UTRN: variants seen among roughly 807,000 people sequenced by gnomAD.
UTRN encodes the protein utrophin.
In UTRN, 283 loss-of-function variants were observed where a neutral mutation model predicts 463.9. That is an observed-to-expected ratio of 0.61 (90% confidence interval 0.55 to 0.67). The LOEUF (loss-of-function observed/expected upper bound fraction) is 0.67, where lower values mean the gene tolerates loss of function less well. Ranked by LOEUF, UTRN falls within the 30% of genes least tolerant of loss-of-function variation. The pLI is 0.00. For synonymous variants in UTRN, 1,442 were observed against 1,431.5 expected (o/e 1.01, Z -0.17); for missense variants, 3,922 against 4,084.3 (o/e 0.96, Z 1.08).
intron 66 of UTRN, among the ~76,000 whole-genome samples, chr6:144,824,601 TA>T (rs1562954962): frequency 0.012 from 737 of 59,224 alleles, 34 homozygotes; most frequent in African/African-American, 0.041. Context: ...TATATATATA[TA>T]TATATATATA....
intron 46 of UTRN, among the ~76,000 whole-genome samples, 191 bp downstream of exon 46, chr6:144,543,061 G>A (rs1373766279): frequency 6.6e-6 from 1 of 152,208 alleles, no homozygotes; most frequent in Non-Finnish European, 1.5e-5. Flanking sequence ...GTGTGGGTAA[G>A]GCATTTGTTC....
At chr6:144,295,248 A>G (rs1804575580) in intron 2 of UTRN, among the ~76,000 whole-genome samples, 1 of 152,264 alleles carries the variant, frequency 6.6e-6, no homozygotes, top group Non-Finnish European at 1.5e-5. Flanking sequence ...ATGCATATAC[A>G]ATCGAAGAAT....
intron 51 of UTRN, among the ~76,000 whole-genome samples, chr6:144,670,151 G>T (rs982262264): frequency 1.3e-5 from 2 of 152,082 alleles, no homozygotes; most frequent in East Asian, 3.9e-4. Context: ...ACCCAAGTAT[G>T]GAATTGATGG....
At chr6:144,688,356 T>C (rs1477499990) in intron 52 of UTRN, among the ~76,000 whole-genome samples, 1 of 152,196 alleles carries the variant, frequency 6.6e-6, no homozygotes, top group East Asian at 1.9e-4. Flanking sequence ...TTTTGTATTC[T>C]TTATCTGGTA....
chr6:144,377,062 G>C (rs1364673800), intron 2 of UTRN, among the ~76,000 whole-genome samples: 1 of 152,130 alleles, frequency 6.6e-6, no homozygotes, highest in Non-Finnish European at 1.5e-5. Flanking sequence ...TTTTGGGACA[G>C]AGTCTTGCTC....
At chr6:144,591,871 T>C (rs1205422783) in intron 51 of UTRN, among the ~76,000 whole-genome samples, 1 of 152,164 alleles carries the variant, frequency 6.6e-6, no homozygotes, top group Non-Finnish European at 1.5e-5. Context: ...GGGTAAATGT[T>C]GCAAGAGTTA....
chr6:144,372,766 G>A (rs1307698360), intron 2 of UTRN, among the ~76,000 whole-genome samples: 2 of 152,134 alleles, frequency 1.3e-5, no homozygotes, highest in African/African-American at 4.8e-5. Flanking sequence ...GCCTCTTAAA[G>A]TGCTGAGATT....
rs1419572863 is a variant in UTRN, at chr6:144,299,703, C to T, written c.79+7796C>T. 4.0e-5 allele frequency among the ~76,000 whole-genome samples: 6 copies of T among 151,818 alleles called. No homozygotes were observed. The East Asian group carries it at 7.7e-4, about 20-fold the overall frequency. On this transcript the variant is annotated intron_variant, in intron 2 of 74. Transcript: ENST00000367545. ...CTAGGGAATGCATCAGCTTAGAGTC[C>T]GCTGATGCATTCATTATAAAAATGT...
At chr6:144,816,748 T>A (rs1003665138) in intron 65 of UTRN, among the ~76,000 whole-genome samples, 11 of 146,442 alleles carry the variant, frequency 7.5e-5, no homozygotes, top group South Asian at 2.2e-4. Flanking sequence ...TTTTTTTTTT[T>A]AAATTTTTTT....
At chr6:144,406,205 A>G (rs1182337424) in intron 3 of UTRN, among the ~76,000 whole-genome samples, 4 of 152,224 alleles carry the variant, frequency 2.6e-5, no homozygotes, top group East Asian at 1.9e-4. Flanking sequence ...TAAATCTTTG[A>G]CAGACATTAT....
intron 59 of UTRN, among the ~76,000 whole-genome samples, chr6:144,772,888 G>A (rs1200716167): frequency 6.6e-6 from 1 of 151,752 alleles, no homozygotes; most frequent in Non-Finnish European, 1.5e-5. Context: ...ATGCTGGAGG[G>A]AAAAACAGCA....
At chr6:144,621,345 C>G (rs919703236) in intron 51 of UTRN, among the ~76,000 whole-genome samples, 1 of 152,062 alleles carries the variant, frequency 6.6e-6, no homozygotes, top group African/African-American at 2.4e-5. Flanking sequence ...TTATGGTTCT[C>G]CAGAGAAACC....
intron 18 of UTRN, among the ~76,000 whole-genome samples, chr6:144,453,176 G>A (rs756258211): frequency 4.6e-5 from 7 of 152,088 alleles, no homozygotes; most frequent in African/African-American, 7.2e-5. Flanking sequence ...AGGCTGGAGT[G>A]CAGTGGTGCA....
At chr6:144,758,017 A>T in intron 58 of UTRN, 28 bp downstream of exon 58, 4 of 1,575,930 alleles carry the variant, frequency 2.5e-6, no homozygotes, top group Non-Finnish European at 3.5e-6. Context: ...CTCCTTTATG[A>T]TACCAAGAAA....
At position 144,557,220 on chromosome 6, in the gene UTRN, A is replaced by C; in HGVS notation, c.7198A>C (p.Lys2400Gln). 2 of 1,614,044 alleles carry C rather than the reference A, an allele frequency of 1.2e-6. No individual in the cohort carries two copies. The highest frequency in any genetic ancestry group is 2.2e-5 in the South Asian group (2 of 91,082). The change falls in exon 50 of 75, where the codon AAA becomes CAA. Residue 2400 changes from lysine (K) to glutamine (Q), a missense_variant. By Grantham distance (53) the Lys-to-Gln change is moderately conservative. Coordinates refer to ENST00000367545, the MANE Select transcript of UTRN (RefSeq NM_007124.3). Reference sequence around the variant, plus strand: ...CATGGCGTTCGATAACGTCCTGCAGAAACTCCTGGAGGAATATGGGAGTGA... The same window carrying C: ...CATGGCGTTCGATAACGTCCTGCAGCAACTCCTGGAGGAATATGGGAGTGA... ...IVMAFDNVLQ[K>Q]LLEEYGSDDT...
intron 50 of UTRN, among the ~76,000 whole-genome samples, chr6:144,569,647 A>C (rs908813728): frequency 1.3e-5 from 2 of 152,166 alleles, no homozygotes; most frequent in African/African-American, 2.4e-5. Context: ...TCCTGGTCCT[A>C]TTGGGTGCAC....
At chr6:144,407,864 G>A (rs1562354916) in intron 3 of UTRN, among the ~76,000 whole-genome samples, 1 of 152,086 alleles carries the variant, frequency 6.6e-6, no homozygotes, top group Non-Finnish European at 1.5e-5. Flanking sequence ...GTAAATTATG[G>A]CTCTTGGATT....
In UTRN at chr6:144,473,715, A is replaced by G. The variant is rs778439962; in HGVS notation, c.3067-5A>G. 5 of 1,613,314 alleles carry G rather than the reference A, an allele frequency of 3.1e-6. No homozygotes were observed. The highest frequency in any genetic ancestry group is 4.2e-6 in the Non-Finnish European group (5 of 1,179,378). On this transcript the variant is annotated splice_polypyrimidine_tract_variant and splice_region_variant and intron_variant, in intron 23 of 74. Coordinates refer to ENST00000367545, the MANE Select transcript of UTRN (RefSeq NM_007124.3). ...ATATCCCCCTCTGTTATCATGTTCG[A>G]TTAGGCCGATTCAACAGTCATTGAG...
At chr6:144,526,955 C>T (rs1796624982) in intron 41 of UTRN, among the ~76,000 whole-genome samples, 1 of 151,930 alleles carries the variant, frequency 6.6e-6, no homozygotes, top group Non-Finnish European at 1.5e-5. Flanking sequence ...ACCACCATGC[C>T]TGGCTAATTT....
Sources: allele counts gnomAD v4.1 joint callset (sites outside exome capture counted in the v4.1 genomes callset), GRCh38; gene constraint gnomAD v4.1.1; transcripts MANE v1.5; gene names NCBI Gene and HGNC (gene_info 2026-07-23, HGNC 2026-07-21).